Variants in MYO1D observed in about 807,000 individuals in gnomAD.
MYO1D encodes unconventional myosin-Id.
In MYO1D, 83 loss-of-function variants were observed where a neutral mutation model predicts 122.0. That is an observed-to-expected ratio of 0.68 (90% CI 0.57 to 0.82). MYO1D has a LOEUF of 0.82. Among genes scored for constraint, MYO1D ranks in the 40% least tolerant of loss-of-function variants. MYO1D has a pLI of 0.00. For missense variants in MYO1D, 1,157 were observed against 1,269.5 expected, an observed-to-expected ratio of 0.91 and a Z score of 1.35; for synonymous variants, 464 against 446.9, an observed-to-expected ratio of 1.04 and a Z score of -0.48.
At chr17:32,765,344 T>A (rs1395077741) in intron 7 of MYO1D, among the ~76,000 whole-genome samples, 2 of 152,114 alleles carry the variant, frequency 1.3e-5, no homozygotes. Context: ...TGCCTTAGGG[T>A]CTCTCTTTCT....
rs575552925 is a variant in MYO1D, at chr17:32,777,700, C to T, written c.398+780G>A. ...GTGGCACATGCCTGTAATCCTAGCA[C>T]TTTGGGAGACCGAGGCGGACGGGTC... is the stretch of plus-strand genomic sequence containing the variant. On this transcript the variant is annotated intron_variant, in intron 3 of 21. Coordinates refer to ENST00000318217, the MANE Select transcript of MYO1D (RefSeq NM_015194.3). Among the ~76,000 whole-genome samples, 354 of 151,908 alleles carry T rather than the reference C, an allele frequency of 2.3e-3. 1 individual carries two copies. Among genetic ancestry groups the T allele is most frequent in the Non-Finnish European group, 3.1e-3 (209 of 67,938 alleles).
intron 1 of MYO1D, among the ~76,000 whole-genome samples, chr17:32,809,267 T>A (rs1299942831): frequency 6.6e-6 from 1 of 151,980 alleles, no homozygotes; most frequent in Non-Finnish European, 1.5e-5. Context: ...TACAGGCATG[T>A]GTCACCACAC....
chr17:32,855,633 C>T (rs2091021992), intron 1 of MYO1D, among the ~76,000 whole-genome samples: 1 of 152,188 alleles, frequency 6.6e-6, no homozygotes, highest in South Asian at 2.1e-4. Context: ...TAACATAGTA[C>T]TTTCCCCCTT....
At chr17:32,813,238 C>T (rs550121110) in intron 1 of MYO1D, among the ~76,000 whole-genome samples, 9 of 152,284 alleles carry the variant, frequency 5.9e-5, no homozygotes, top group Admixed American at 5.9e-4. Flanking sequence ...TTGTGCTAAG[C>T]AATACGCCAA....
intron 19 of MYO1D, among the ~76,000 whole-genome samples, chr17:32,639,361 TTTTGTGTGTGTGTGTGTG>T (rs1414023300): frequency 0.014 from 888 of 65,718 alleles, 14 homozygotes; most frequent in African/African-American, 0.036. Flanking sequence ...TTGGGAGAAA[TTTTGTGTGTGTGTGTGTG>T]TGTGTGTGTG....
At chr17:32,516,616 C>A (rs187126953) in intron 21 of MYO1D, among the ~76,000 whole-genome samples, 13 of 152,368 alleles carry the variant, frequency 8.5e-5, no homozygotes, top group African/African-American at 2.2e-4. Flanking sequence ...TGTGAAGTGT[C>A]TCCACATGGC....
intron 17 of MYO1D, 55 bp downstream of exon 17, chr17:32,659,060 A>C (rs936901875): frequency 6.8e-7 from 1 of 1,478,958 alleles, no homozygotes; most frequent in East Asian, 2.3e-5. Flanking sequence ...GTGACTTTGC[A>C]TAGTATTAAC....
At chr17:32,771,301 T>A in intron 5 of MYO1D, 81 bp from the exon 6 acceptor site, 1 of 980,212 alleles carries the variant, frequency 1.0e-6, no homozygotes, top group South Asian at 1.7e-5. Flanking sequence ...TAGCTTTTAT[T>A]CATTTTCTGG....
At chr17:32,854,269 G>T (rs1567673034) in intron 1 of MYO1D, among the ~76,000 whole-genome samples, 1 of 152,192 alleles carries the variant, frequency 6.6e-6, no homozygotes, top group Non-Finnish European at 1.5e-5. Flanking sequence ...ACTCATAAGA[G>T]CTTACATGAA....
chr17:32,661,143 C>T (rs556556041), intron 16 of MYO1D, among the ~76,000 whole-genome samples: 1 of 152,142 alleles, frequency 6.6e-6, no homozygotes, highest in East Asian at 1.9e-4. Flanking sequence ...TTACAAGAAA[C>T]CTACTTTATA....
At chr17:32,687,003 A>ACACC in intron 16 of MYO1D, among the ~76,000 whole-genome samples, 1 of 150,418 alleles carries the variant, frequency 6.6e-6, no homozygotes, top group East Asian at 2.0e-4. Context: ...ACACACACAC[A>ACACC]CACCAAAAAA....
chr17:32,751,229 C>T (rs1178394790), intron 11 of MYO1D, among the ~76,000 whole-genome samples: 1 of 152,086 alleles, frequency 6.6e-6, no homozygotes, highest in East Asian at 1.9e-4. Context: ...AAATAACTGT[C>T]ACAAGACAGA....
chr17:32,636,838 T>C (rs959030374), intron 20 of MYO1D, among the ~76,000 whole-genome samples: 5 of 152,210 alleles, frequency 3.3e-5, no homozygotes, highest in African/African-American at 9.7e-5. Context: ...TTTGGCAGCC[T>C]GAGGGCAGCT....
chr17:32,865,787 T>C (rs1327248493), intron 1 of MYO1D, among the ~76,000 whole-genome samples: 1 of 152,162 alleles, frequency 6.6e-6, no homozygotes, highest in African/African-American at 2.4e-5. Flanking sequence ...GAATACAAAC[T>C]GGGATATCTT....
chr17:32,849,877 C>G (rs1197616838), intron 1 of MYO1D, among the ~76,000 whole-genome samples: 4 of 152,136 alleles, frequency 2.6e-5, no homozygotes, highest in Non-Finnish European at 4.4e-5. Context: ...AAATTGTGGA[C>G]TTTTGTGTCC....
At chr17:32,548,767 A>G (rs71377444) in intron 21 of MYO1D, among the ~76,000 whole-genome samples, 9,805 of 147,950 alleles carry the variant, frequency 0.066, 343 homozygotes, top group Non-Finnish European at 0.075. Context: ...AGGCTGGAGT[A>G]CAGTGGCATG....
At chr17:32,613,494 G>A (rs1338403610) in intron 20 of MYO1D, among the ~76,000 whole-genome samples, 1 of 152,010 alleles carries the variant, frequency 6.6e-6, no homozygotes, top group Non-Finnish European at 1.5e-5. Context: ...CCTCAATATA[G>A]GCCAGGTGCA....
chr17:32,847,266 T>G (rs1309249059), intron 1 of MYO1D, among the ~76,000 whole-genome samples: 1 of 152,174 alleles, frequency 6.6e-6, no homozygotes, highest in East Asian at 1.9e-4. Context: ...TATCATGCAA[T>G]TTTCAATGGA....
rs1910537674 is a variant in MYO1D, at chr17:32,532,542, A to G, written c.2865-37627T>C. ...GGAGATCGAGACCATCCTGGCTAAC[A>G]AGGTGAAACCCCGTCTCTACTAAAA... is the stretch of plus-strand genomic sequence containing the variant. On this transcript the variant is annotated intron_variant, in intron 21 of 21. Coordinates refer to ENST00000318217, the MANE Select transcript of MYO1D (RefSeq NM_015194.3). 2.0e-5 allele frequency among the ~76,000 whole-genome samples: 3 copies of G among 152,104 alleles called. No individual in the cohort carries two copies. The South Asian group carries it at 6.2e-4, about 32-fold the overall frequency.
Sources: gnomAD v4.1 joint callset for allele counts (sites outside exome capture counted in the v4.1 genomes callset) on GRCh38, gnomAD v4.1.1 for gene constraint, MANE v1.5 for transcripts, NCBI Gene and HGNC (gene_info 2026-07-23, HGNC 2026-07-21) for gene names.